KSR2: variants seen among roughly 807,000 people sequenced by gnomAD.
KSR2 encodes the protein kinase suppressor of ras 2.
Under a neutral mutation model 107.8 loss-of-function variants are expected in KSR2, and 25 were observed. The observed-to-expected ratio is 0.23, with a 90% CI of 0.17 to 0.32. The LOEUF is 0.32. KSR2 is among the 10% of genes least tolerant of loss of function. KSR2 has a pLI of 1.00. For synonymous variants in KSR2, 480 were observed against 507.0 expected (o/e 0.95, Z 0.71); for missense variants, 887 against 1,268.9 (o/e 0.70, Z 4.57).
At chr12:117,565,043 A>T (rs1269866370) in intron 7 of KSR2, among the ~76,000 whole-genome samples, 1 of 152,098 alleles carries the variant, frequency 6.6e-6, no homozygotes, top group Non-Finnish European at 1.5e-5. Context: ...CGGGGGACAA[A>T]TGGTCTCTTT....
At chr12:117,760,889 A>T in intron 4 of KSR2, 122 bp downstream of exon 4, 1 of 1,259,348 alleles carries the variant, frequency 7.9e-7, no homozygotes, top group Admixed American at 2.4e-5. Context: ...TTTTCATTCA[A>T]CCAGAGTCTG....
At chr12:117,550,683 G>A (rs1023460098) in intron 9 of KSR2, among the ~76,000 whole-genome samples, 1 of 152,228 alleles carries the variant, frequency 6.6e-6, no homozygotes, top group African/African-American at 2.4e-5. Flanking sequence ...AAGGTCATAA[G>A]GAGTAGGAAC....
intron 1 of KSR2, among the ~76,000 whole-genome samples, chr12:117,950,473 G>A (rs1237949786): frequency 6.6e-6 from 1 of 152,016 alleles, no homozygotes; most frequent in African/African-American, 2.4e-5. Flanking sequence ...AGTGGCTCAC[G>A]CCTGTAATCC....
At chr12:117,469,912 A>ATCATCAAT in intron 18 of KSR2, 117 bp from the exon 19 acceptor site, 6 of 971,628 alleles carry the variant, frequency 6.2e-6, no homozygotes. Context: ...ATATTCCTCC[A>ATCATCAAT]TCATCCATTC....
At chr12:117,921,205 T>C (rs1895332549) in intron 1 of KSR2, among the ~76,000 whole-genome samples, 1 of 152,176 alleles carries the variant, frequency 6.6e-6, no homozygotes, top group Admixed American at 6.6e-5. Flanking sequence ...CATGAGCCAA[T>C]ATACGTAAAG....
At chr12:117,797,222 G>A (rs190473981) in intron 3 of KSR2, among the ~76,000 whole-genome samples, 22 of 152,216 alleles carry the variant, frequency 1.4e-4, no homozygotes, top group African/African-American at 4.8e-4. Context: ...GCCAAAAGGT[G>A]GAAACAATCA....
intron 3 of KSR2, among the ~76,000 whole-genome samples, chr12:117,804,598 C>CTAGTATATACTAGTATTATACTATTA (rs1890949988): frequency 1.3e-5 from 2 of 152,206 alleles, no homozygotes; most frequent in Admixed American, 1.3e-4. Flanking sequence ...TATTATTATA[C>CTAGTATATACTAGTATTATACTATTA]TGCTTTTATC....
At chr12:117,837,586 C>T (rs12822146) in intron 3 of KSR2, among the ~76,000 whole-genome samples, 23,358 of 152,124 alleles carry the variant, frequency 0.15, 2,204 homozygotes, top group Middle Eastern at 0.27. Context: ...GCAGCCCTGA[C>T]GCTCAGTTCC....
At chr12:117,588,630 C>T (rs1023390111) in intron 5 of KSR2, among the ~76,000 whole-genome samples, 2 of 152,156 alleles carry the variant, frequency 1.3e-5, no homozygotes, top group African/African-American at 2.4e-5. Context: ...CCTGAGAGAT[C>T]GTAGAGATAA....
chr12:117,633,886 T>C (rs1025284543), intron 5 of KSR2, among the ~76,000 whole-genome samples: 1 of 152,166 alleles, frequency 6.6e-6, no homozygotes, highest in Non-Finnish European at 1.5e-5. Flanking sequence ...CCTCCAGACA[T>C]GCCCCAGTGT....
intron 5 of KSR2, among the ~76,000 whole-genome samples, chr12:117,625,665 T>C: frequency 6.6e-6 from 1 of 151,356 alleles, no homozygotes; most frequent in South Asian, 2.1e-4. Context: ...TAAAATTTTC[T>C]TTTTTTGTTG....
intron 3 of KSR2, among the ~76,000 whole-genome samples, chr12:117,802,393 C>T (rs1890863521): frequency 6.6e-6 from 1 of 152,130 alleles, no homozygotes; most frequent in Non-Finnish European, 1.5e-5. Flanking sequence ...TTTTCAAAGT[C>T]CCTTTACTAT....
intron 1 of KSR2, among the ~76,000 whole-genome samples, chr12:117,964,796 A>G (rs1896744487): frequency 6.6e-6 from 1 of 152,260 alleles, no homozygotes; most frequent in South Asian, 2.1e-4. Flanking sequence ...TCACTAGCCC[A>G]AGATAAAGTA....
chr12:117,831,390 T>C (rs1007629003), intron 3 of KSR2, among the ~76,000 whole-genome samples: 7 of 152,210 alleles, frequency 4.6e-5, no homozygotes, highest in Non-Finnish European at 1.0e-4. Context: ...GCACCTCTTC[T>C]TTGCCTCTTT....
chr12:117,616,339 T>C (rs1881888022), intron 5 of KSR2, among the ~76,000 whole-genome samples: 1 of 152,118 alleles, frequency 6.6e-6, no homozygotes, highest in African/African-American at 2.4e-5. Context: ...CTATGAGGAA[T>C]TGCGTTTTCT....
chr12:117,805,832 A>G (rs1890990077), intron 3 of KSR2, among the ~76,000 whole-genome samples: 1 of 152,084 alleles, frequency 6.6e-6, no homozygotes, highest in South Asian at 2.1e-4. Context: ...AAATACATAA[A>G]TTAGCCAGGT....
rs184304084 is a variant in KSR2, at chr12:117,760,271, A to G, written c.986+740T>C. 3.3e-3 allele frequency among the ~76,000 whole-genome samples: 508 copies of G among 152,258 alleles called. 2 individuals are homozygous for G. The highest frequency in any genetic ancestry group is 0.017 in the Middle Eastern group (5 of 294). On this transcript the variant is annotated intron_variant, in intron 4 of 19. Coordinates refer to ENST00000339824, the MANE Select transcript of KSR2 (RefSeq NM_173598.6). The stretch of plus-strand genomic sequence containing the variant: ...GCCTAATCCTCGAGTCTCACCCTAC[A>G]TCACACACCTGCTCTCTCCCCCAAA...
At chr12:117,810,073 C>G (rs1242365792) in intron 3 of KSR2, among the ~76,000 whole-genome samples, 3 of 152,280 alleles carry the variant, frequency 2.0e-5, no homozygotes, top group African/African-American at 7.2e-5. Flanking sequence ...TTTGCTGAGG[C>G]CCCCAGCCCT....
Position 117,897,548 on chromosome 12 carries a change from C to T in KSR2, c.181-37117G>A, listed in dbSNP as rs568928273. ...GCCGCACTCTGTCTTCACGCTGTCC[C>T]CATTAGCTGGCTGAACAGACACGTC... On this transcript the variant is annotated intron_variant, in intron 1 of 19. Coordinates refer to ENST00000339824, the MANE Select transcript of KSR2 (RefSeq NM_173598.6). This position sits in a 1 kb window ranked among gnomAD's most constrained non-coding sequence, Gnocchi z 4.5. Among the ~76,000 whole-genome samples the T allele has an allele frequency of 6.6e-6, 1 of 152,198 alleles. No individual in the cohort carries two copies. Among genetic ancestry groups the T allele is most frequent in the South Asian group, 2.1e-4 (1 of 4,816 alleles).
Sources: allele counts gnomAD v4.1 joint callset (sites outside exome capture counted in the v4.1 genomes callset), GRCh38; gene constraint gnomAD v4.1.1; non-coding constraint Gnocchi (gnomAD v3.1); transcripts MANE v1.5; gene names NCBI Gene and HGNC (gene_info 2026-07-23, HGNC 2026-07-21).